The following VSIR variants were observed in gnomAD, a reference collection of about 807,000 sequenced individuals.
The protein encoded by VSIR is V-set immunoregulatory receptor, also known as V-type immunoglobulin domain-containing suppressor of T-cell activation.
In VSIR, 10 loss-of-function variants were observed where a neutral mutation model predicts 31.0. That is an observed-to-expected ratio of 0.32 (90% CI 0.20 to 0.55). VSIR has a LOEUF of 0.55. Ranked by LOEUF, VSIR falls within the 20% of genes least tolerant of loss-of-function variation. The pLI is 0.93. For missense variants in VSIR, 356 were observed against 416.2 expected, an observed-to-expected ratio of 0.86 and a Z score of 1.26; for synonymous variants, 179 against 180.1, an observed-to-expected ratio of 0.99 and a Z score of 0.05.
intron 1 of VSIR, among the ~76,000 whole-genome samples, chr10:71,766,112 G>C (rs1430500492): frequency 6.6e-6 from 1 of 152,226 alleles, no homozygotes; most frequent in Non-Finnish European, 1.5e-5. Context: ...GTGTTGTCAG[G>C]GAAGCTGTGC....
chr10:71,769,078 C>T (rs971584016), intron 1 of VSIR, among the ~76,000 whole-genome samples: 6 of 152,186 alleles, frequency 3.9e-5, no homozygotes, highest in African/African-American at 1.2e-4. Context: ...GCCCAGCTTG[C>T]CTGGCCACGT....
chr10:71,748,254 C>T lies in VSIR; in HGVS notation c.*2999G>A, dbSNP rs988006473. 2.0e-5 allele frequency: 3 copies of T among 152,490 alleles called. No homozygotes were observed. The highest frequency in any genetic ancestry group is 2.9e-5 in the Non-Finnish European group (2 of 68,256). 9.4% of individuals were successfully genotyped at this position (152,490 alleles called of 1,614,324 possible). On this transcript the variant is annotated 3_prime_UTR_variant, in exon 7 of 7. Transcript: ENST00000394957. ...CCCTGAAAAAGGCCATGTATCAGCCCCTCTGCCCTGGGCCACTGCATGTAG... is the reference window on the plus strand; with the variant it reads ...CCCTGAAAAAGGCCATGTATCAGCCTCTCTGCCCTGGGCCACTGCATGTAG...
chr10:71,751,964 C>A lies in VSIR; in HGVS notation c.705-103G>T. 2 of 1,228,754 alleles carry A rather than the reference C, an allele frequency of 1.6e-6. No individual in the cohort carries two copies. Among genetic ancestry groups the A allele is most frequent in the South Asian group, 1.4e-5 (1 of 73,634 alleles). 76.1% of individuals were successfully genotyped at this position (1,228,754 alleles called of 1,614,324 possible). A position where few individuals can be genotyped will look rare whatever the true frequency, so the allele number is the denominator to read the frequency against. On this transcript the variant is annotated intron_variant, in intron 5 of 6. Transcript: ENST00000394957. This position sits in a 1 kb window ranked among gnomAD's most constrained non-coding sequence, Gnocchi z 4.9. ...CTCCTCCCTTTCTCTCACCTACATC[C>A]CCATCCCCAAGCCTCAGCAGCATCT... is the stretch of plus-strand genomic sequence containing the variant.
At chr10:71,766,206 C>T (rs1372279406) in intron 1 of VSIR, among the ~76,000 whole-genome samples, 1 of 152,200 alleles carries the variant, frequency 6.6e-6, no homozygotes, top group Non-Finnish European at 1.5e-5. Flanking sequence ...GGGTCATTGT[C>T]GGAGACCGGG....
chr10:71,754,366 T>C (rs1840080313), intron 4 of VSIR, among the ~76,000 whole-genome samples: 1 of 151,932 alleles, frequency 6.6e-6, no homozygotes. Context: ...GGATGACAAG[T>C]TGTTAAGGGC....
chr10:71,755,486 G>A lies in VSIR; in HGVS notation c.569-20C>T. 1 of 1,597,182 alleles carries A rather than the reference G, an allele frequency of 6.3e-7. No homozygotes were observed. Among genetic ancestry groups the A allele is most frequent in the South Asian group, 1.1e-5 (1 of 88,760 alleles). On this transcript the variant is annotated intron_variant, in intron 3 of 6. Coordinates refer to ENST00000394957, the MANE Select transcript of VSIR (RefSeq NM_022153.2). ...TGATGTCTGAAAGGGCAGAGAGGTA[G>A]CCAAGGTGAAGCCCCATTCCCATTG... is the stretch of plus-strand genomic sequence containing the variant.
In VSIR at chr10:71,751,148, G is replaced by A. The variant is rs555723680; in HGVS notation, c.*105C>T. The stretch of plus-strand genomic sequence containing the variant: ...CAGTATCTGAGCCCAGAGCAGGAGG[G>A]AGGGAACCAGGGCCGAGGCCAAGGA... On this transcript the variant is annotated 3_prime_UTR_variant, in exon 7 of 7. Transcript: ENST00000394957. The surrounding 1 kb of genome is among the most constrained non-coding windows in gnomAD (Gnocchi z 4.9). 1.5e-6 allele frequency: 2 copies of A among 1,338,522 alleles called. No individual in the cohort carries two copies. Among genetic ancestry groups the A allele is most frequent in the East Asian group, 5.0e-5 (2 of 39,650 alleles). The allele number at this position is 1,338,522 out of a possible 1,614,324, so 82.9% of individuals were successfully genotyped here. A position where few individuals can be genotyped will look rare whatever the true frequency, so the allele number is the denominator to read the frequency against.
intron 1 of VSIR, among the ~76,000 whole-genome samples, chr10:71,767,039 G>A (rs992628764): frequency 1.3e-5 from 2 of 152,244 alleles, no homozygotes; most frequent in Non-Finnish European, 2.9e-5. Context: ...GGGAGGCTGT[G>A]GGGATGCAGA....
chr10:71,769,698 GGGTTTGACCCCA>G (rs1456330545), intron 1 of VSIR, among the ~76,000 whole-genome samples: 2 of 152,216 alleles, frequency 1.3e-5, no homozygotes, highest in Non-Finnish European at 2.9e-5. Context: ...AGCAGAGGCA[GGGTTTGACCCCA>G]GGTCCCCATG....
chr10:71,767,295 G>A lies in VSIR; in HGVS notation c.83-5269C>T, dbSNP rs146399177. On this transcript the variant is annotated intron_variant, in intron 1 of 6. Transcript: ENST00000394957. ...GCCTGTGTATTTTTCATGACAGGGC[G>A]TGAGCTTAGCCCACAGTCGCCAAGG... 2.7e-3 allele frequency among the ~76,000 whole-genome samples: 411 copies of A among 152,330 alleles called. 1 individual carries two copies. Among genetic ancestry groups the A allele is most frequent in the African/African-American group, 9.2e-3 (383 of 41,572 alleles).
intron 3 of VSIR, 43 bp downstream of exon 3, chr10:71,760,825 A>C: frequency 6.3e-7 from 1 of 1,583,036 alleles, no homozygotes; most frequent in Non-Finnish European, 8.7e-7. Flanking sequence ...TGAGGACAGA[A>C]GAAAACAGAG....
In VSIR at chr10:71,761,647, G is replaced by A. The variant is rs781273917; in HGVS notation, c.462C>T (p.His154=). 5 of 1,612,672 alleles carry A rather than the reference G, an allele frequency of 3.1e-6. No homozygotes were observed. Among genetic ancestry groups the A allele is most frequent in the Admixed American group, 1.7e-5 (1 of 59,966 alleles). Residue 154 remains histidine (H), a synonymous_variant, in exon 2 of 7, where the codon CAC becomes CAT. Transcript: ENST00000394957. ...CACCATGGACCCTGTGCTCCGAGTG[G>A]TGGTGCCTGATCTCCACCACCAGGC... ...YCCLVVEIRH[H]HSEHRVHGAM... is the part of the protein sequence containing the mutation.
rs1839986545 is a variant in VSIR at position 71,751,120 on chromosome 10, T to C, written c.*133A>G. The C allele has an allele frequency of 9.3e-7, 1 of 1,073,972 alleles. No individual in the cohort carries two copies. Among genetic ancestry groups the C allele is most frequent in the African/African-American group, 1.6e-5 (1 of 62,096 alleles). The allele number at this position is 1,073,972 out of a possible 1,614,324, so 66.5% of individuals were successfully genotyped here. A position where few individuals can be genotyped will look rare whatever the true frequency, so the allele number is the denominator to read the frequency against. On this transcript the variant is annotated 3_prime_UTR_variant, in exon 7 of 7. Transcript: ENST00000394957. This position sits in a 1 kb window ranked among gnomAD's most constrained non-coding sequence, Gnocchi z 4.9. Reference sequence around the variant, plus strand: ...GTTGAGGGGCTGGGCTTCTGGGATGTCACAGTATCTGAGCCCAGAGCAGGA... The same window carrying C: ...GTTGAGGGGCTGGGCTTCTGGGATGCCACAGTATCTGAGCCCAGAGCAGGA...
At chr10:71,767,862 A>G (rs1353237451) in intron 1 of VSIR, among the ~76,000 whole-genome samples, 2 of 152,216 alleles carry the variant, frequency 1.3e-5, no homozygotes, top group Non-Finnish European at 2.9e-5. Flanking sequence ...CACTTCCAGC[A>G]CCTTGGGAAA....
chr10:71,755,986 AATAG>A (rs1375241756), intron 3 of VSIR, among the ~76,000 whole-genome samples: 1 of 152,212 alleles, frequency 6.6e-6, no homozygotes, highest in East Asian at 1.9e-4. Context: ...GTTTTATCAT[AATAG>A]ATAAAAAGCC....
At chr10:71,767,808 A>C (rs1332423704) in intron 1 of VSIR, among the ~76,000 whole-genome samples, 1 of 152,222 alleles carries the variant, frequency 6.6e-6, no homozygotes, top group East Asian at 1.9e-4. Context: ...ACATCAGACC[A>C]AGGGGGCTGG....
rs200269030 is a variant in VSIR, at chr10:71,760,928, T to C, written c.512-4A>G. 223 of 1,613,736 alleles carry C rather than the reference T, an allele frequency of 1.4e-4. No homozygotes were observed. Among genetic ancestry groups the C allele is most frequent in the Middle Eastern group, 3.3e-4 (2 of 6,016 alleles). ...CAGTTGGATGGTGCATCTTTGCCTG[T>C]GGGAACAAACAGAAGGGCCATTAGG... On this transcript the variant is annotated splice_polypyrimidine_tract_variant and splice_region_variant and intron_variant, in intron 2 of 6. Coordinates refer to ENST00000394957, the MANE Select transcript of VSIR (RefSeq NM_022153.2).
chr10:71,756,061 C>G (rs1840137950), intron 3 of VSIR, among the ~76,000 whole-genome samples: 1 of 152,104 alleles, frequency 6.6e-6, no homozygotes, highest in Non-Finnish European at 1.5e-5. Flanking sequence ...CTTGATCTCA[C>G]CACACAAGTC....
At chr10:71,756,007 C>G (rs1589399864) in intron 3 of VSIR, among the ~76,000 whole-genome samples, 1 of 152,180 alleles carries the variant, frequency 6.6e-6, no homozygotes. Context: ...AGCCCCAACT[C>G]ATCCCAGAGA....
Sources: allele counts gnomAD v4.1 joint callset (sites outside exome capture counted in the v4.1 genomes callset), GRCh38; gene constraint gnomAD v4.1.1; non-coding constraint Gnocchi (gnomAD v3.1); transcripts MANE v1.5; gene names NCBI Gene and HGNC (gene_info 2026-07-23, HGNC 2026-07-21).